The following RBMS3 variants were observed in gnomAD, a reference collection of about 807,000 sequenced individuals.
The protein encoded by RBMS3 is RNA binding motif single stranded interacting protein 3, also known as RNA-binding motif, single-stranded-interacting protein 3.
Under a neutral mutation model 66.8 loss-of-function variants are expected in RBMS3, and 27 were observed. The ratio of observed to expected loss-of-function variants is 0.40; its 90% CI spans 0.30 to 0.56. The LOEUF (loss-of-function observed/expected upper bound fraction) is 0.56. Ranked by LOEUF, RBMS3 falls within the 20% of genes least tolerant of loss-of-function variation. RBMS3 has a pLI of 0.40. For missense variants in RBMS3, 513 were observed against 549.5 expected (o/e 0.93, Z 0.66); for synonymous variants, 188 against 183.0 (o/e 1.03, Z -0.22).
chr3:29,753,328 G>A (rs1391372198), intron 5 of RBMS3, among the ~76,000 whole-genome samples: 6 of 152,140 alleles, frequency 3.9e-5, no homozygotes, highest in African/African-American at 1.4e-4. Flanking sequence ...ACCGGGGTAT[G>A]CAATGTTTCC....
intron 1 of RBMS3, among the ~76,000 whole-genome samples, chr3:29,393,580 A>G (rs2039408089): frequency 6.6e-6 from 1 of 152,188 alleles, no homozygotes; most frequent in African/African-American, 2.4e-5. Flanking sequence ...CAAAAACTCT[A>G]CTGATTCTAT....
At chr3:29,689,543 T>C (rs1164604249) in intron 4 of RBMS3, among the ~76,000 whole-genome samples, 1 of 152,078 alleles carries the variant, frequency 6.6e-6, no homozygotes, top group Admixed American at 6.6e-5. Context: ...AGTATTTTAT[T>C]AGAGAAAGTT....
At chr3:29,884,736 C>G (rs1175684387) in intron 8 of RBMS3, among the ~76,000 whole-genome samples, 4 of 151,830 alleles carry the variant, frequency 2.6e-5, no homozygotes, top group Non-Finnish European at 4.4e-5. Context: ...AAACTTCCTC[C>G]TCTGAAAAAC....
chr3:29,514,660 T>TATATATATATATATATATATAC (rs2044544694), intron 3 of RBMS3, among the ~76,000 whole-genome samples: 1 of 142,686 alleles, frequency 7.0e-6, no homozygotes. Context: ...CATATATATA[T>TATATATATATATATATATATAC]ATATATATAT....
At chr3:29,572,599 G>A (rs1284605682) in intron 3 of RBMS3, among the ~76,000 whole-genome samples, 1 of 152,096 alleles carries the variant, frequency 6.6e-6, no homozygotes, top group Admixed American at 6.5e-5. Flanking sequence ...AATCATTCTT[G>A]CCTCCAAGAC....
chr3:29,308,294 T>G (rs2034140423), intron 1 of RBMS3, among the ~76,000 whole-genome samples: 1 of 151,848 alleles, frequency 6.6e-6, no homozygotes, highest in African/African-American at 2.4e-5. Flanking sequence ...GACAATTCCA[T>G]TCTAAATACA....
intron 3 of RBMS3, 68 bp from the exon 4 acceptor site, chr3:29,587,046 A>T: frequency 8.3e-7 from 1 of 1,203,734 alleles, no homozygotes; most frequent in Non-Finnish European, 1.2e-6. Flanking sequence ...GTAAACTTGT[A>T]CTTCATCAGT....
chr3:29,892,719 A>G (rs1481505739), intron 8 of RBMS3, among the ~76,000 whole-genome samples: 2 of 151,472 alleles, frequency 1.3e-5, no homozygotes, highest in Non-Finnish European at 3.0e-5. Context: ...CAAATACAAA[A>G]AACATAAATT....
intron 1 of RBMS3, among the ~76,000 whole-genome samples, chr3:29,346,320 A>C (rs1285767680): frequency 1.3e-5 from 2 of 151,876 alleles, no homozygotes; most frequent in South Asian, 2.1e-4. Context: ...AGGACTGAGA[A>C]ATTTTTCTTC....
At chr3:29,564,485 TA>T (rs201649263) in intron 3 of RBMS3, among the ~76,000 whole-genome samples, 21,962 of 130,536 alleles carry the variant, frequency 0.17, 1,848 homozygotes, top group East Asian at 0.34. Flanking sequence ...AAAAGTTCAT[TA>T]AAAAAAAAAA....
rs1023638991 is a variant in RBMS3 at position 29,507,496 on chromosome 3, C to T, written c.307+18997C>T. Among the ~76,000 whole-genome samples the T allele has an allele frequency of 1.0e-4, 12 of 119,840 alleles. No homozygotes were observed. In the South Asian group the frequency reaches 1.0e-3, roughly 10 times the overall value. The allele number at this position is 119,840 out of a possible 152,430, so 78.6% of individuals were successfully genotyped here. A position where few individuals can be genotyped will look rare whatever the true frequency, so the allele number is the denominator to read the frequency against. ...CCTAGCTATAGTATGATATTAATTG[C>T]GAAAAAAAAAGACAAATCTATGTAT... is the stretch of plus-strand genomic sequence containing the variant. On this transcript the variant is annotated intron_variant, in intron 3 of 14. Transcript: ENST00000383767.
rs763544501 is a variant in RBMS3 at position 29,763,001 on chromosome 3, A to C, written c.637+12A>C. ...ACCAGGCATCCCAGGTAAGAAATTC[A>C]CTAATAAGTGACTGAATGATGCCGA... On this transcript the variant is annotated intron_variant, in intron 6 of 14. Transcript: ENST00000383767. The C allele has an allele frequency of 6.4e-7, 1 of 1,550,714 alleles. No individual in the cohort carries two copies. Among genetic ancestry groups the C allele is most frequent in the South Asian group, 1.1e-5 (1 of 88,242 alleles).
chr3:29,576,429 C>G (rs1004513746), intron 3 of RBMS3, among the ~76,000 whole-genome samples: 10 of 152,112 alleles, frequency 6.6e-5, no homozygotes, highest in Admixed American at 4.6e-4. Flanking sequence ...TGGATCAGAC[C>G]TGAAACCTGC....
At chr3:29,316,149 T>C (rs2034663188) in intron 1 of RBMS3, among the ~76,000 whole-genome samples, 1 of 151,712 alleles carries the variant, frequency 6.6e-6, no homozygotes, top group South Asian at 2.1e-4. Context: ...AAACAACTGG[T>C]ATGGCTGTCC....
rs895917556 is a variant in RBMS3, at chr3:29,702,598, C to T, written c.400-37122C>T. Among the ~76,000 whole-genome samples the T allele has an allele frequency of 3.3e-5, 5 of 152,190 alleles. No homozygotes were observed. In the East Asian group the frequency reaches 9.6e-4, roughly 29 times the overall value. ...AGCTGTAACTCACCACAAAGGTCTG[C>T]AGCTTCATTCCTGAGGCCAGCGAGA... On this transcript the variant is annotated intron_variant, in intron 4 of 14. Transcript: ENST00000383767.
chr3:29,384,567 AC>A (rs1177476719), intron 1 of RBMS3, among the ~76,000 whole-genome samples: 1 of 152,138 alleles, frequency 6.6e-6, no homozygotes, highest in Non-Finnish European at 1.5e-5. Flanking sequence ...CTGGTATAAA[AC>A]TTTTTATTGA....
chr3:29,416,512 C>T (rs1249395266), intron 1 of RBMS3, among the ~76,000 whole-genome samples: 1 of 150,238 alleles, frequency 6.7e-6, no homozygotes, highest in Non-Finnish European at 1.5e-5. Flanking sequence ...TGGTCCTTGT[C>T]TCTTTTCACA....
intron 5 of RBMS3, among the ~76,000 whole-genome samples, chr3:29,740,155 C>A (rs573559971): frequency 6.6e-6 from 1 of 152,012 alleles, no homozygotes; most frequent in Non-Finnish European, 1.5e-5. Context: ...CCTCTCTGTG[C>A]CTGTGGATCA....
Position 29,896,649 on chromosome 3 carries a change from A to AT in RBMS3, c.792-726dup, listed in dbSNP as rs545201441. 2.6e-5 allele frequency among the ~76,000 whole-genome samples: 4 copies of AT among 151,674 alleles called. No homozygotes were observed. The East Asian group carries it at 5.9e-4, about 22-fold the overall frequency. On this transcript the variant is annotated intron_variant, in intron 8 of 14. Coordinates refer to ENST00000383767, the MANE Select transcript of RBMS3 (RefSeq NM_001003793.3). ...CTGAGCAGAAATGGACATTTCACTGATTTTCACATCCAGAAGCTACCCTTT... is the reference window on the plus strand; with the variant it reads ...CTGAGCAGAAATGGACATTTCACTGATTTTTCACATCCAGAAGCTACCCTTT...
Sources: gnomAD v4.1 joint callset for allele counts (sites outside exome capture counted in the v4.1 genomes callset) on GRCh38, gnomAD v4.1.1 for gene constraint, MANE v1.5 for transcripts, NCBI Gene and HGNC (gene_info 2026-07-23, HGNC 2026-07-21) for gene names.